The following CCDC60 variants were observed in gnomAD, a reference collection of about 807,000 sequenced individuals.
The protein encoded by CCDC60 is coiled-coil domain containing 60.
In CCDC60, 54 loss-of-function variants were observed where a neutral mutation model predicts 63.5. The observed-to-expected ratio is 0.85, with a 90% CI of 0.68 to 1.07. The LOEUF (loss-of-function observed/expected upper bound fraction) is 1.07, where lower values mean the gene tolerates loss of function less well. Among genes scored for constraint, CCDC60 ranks in the 50% least tolerant of loss-of-function variants. The pLI is 0.00. For synonymous variants in CCDC60, 206 were observed against 238.8 expected, an observed-to-expected ratio of 0.86 and a Z score of 1.27; for missense variants, 651 against 684.3, an observed-to-expected ratio of 0.95 and a Z score of 0.54.
chr12:119,395,407 G>C (rs903198570), intron 1 of CCDC60, among the ~76,000 whole-genome samples: 4 of 152,166 alleles, frequency 2.6e-5, no homozygotes, highest in African/African-American at 9.7e-5. Context: ...TATAACCATG[G>C]CAGAAGGCAA....
chr12:119,473,634 G>T (rs1213636828), intron 3 of CCDC60, among the ~76,000 whole-genome samples: 4 of 152,078 alleles, frequency 2.6e-5, no homozygotes, highest in Non-Finnish European at 5.9e-5. Flanking sequence ...AGTCCCCAGA[G>T]TCCATTATAT....
At chr12:119,386,428 C>T (rs956062566) in intron 1 of CCDC60, among the ~76,000 whole-genome samples, 2 of 151,936 alleles carry the variant, frequency 1.3e-5, no homozygotes, top group African/African-American at 4.8e-5. Context: ...CTTTTCTTTA[C>T]ACCCATTTGT....
chr12:119,395,432 C>T lies in CCDC60; in HGVS notation c.91-33251C>T, dbSNP rs374782042. The stretch of plus-strand genomic sequence containing the variant: ...GCAGAAGGCAAAGGGGAAGCAGACC[C>T]GTCTTACCAAATGGGGAAGAGAGAG... On this transcript the variant is annotated intron_variant, in intron 1 of 13. Transcript: ENST00000327554. 3.0e-3 allele frequency among the ~76,000 whole-genome samples: 458 copies of T among 152,248 alleles called. 7 individuals carry two copies. Among genetic ancestry groups the T allele is most frequent in the South Asian group, 0.013 (64 of 4,818 alleles).
At chr12:119,360,760 G>A (rs531244277) in intron 1 of CCDC60, among the ~76,000 whole-genome samples, 5 of 152,208 alleles carry the variant, frequency 3.3e-5, no homozygotes, top group African/African-American at 9.6e-5. Flanking sequence ...CTGCAATCTC[G>A]GCACTTTGGG....
intron 1 of CCDC60, among the ~76,000 whole-genome samples, chr12:119,356,017 A>C (rs1347280860): frequency 6.6e-6 from 1 of 152,228 alleles, no homozygotes; most frequent in Non-Finnish European, 1.5e-5. Flanking sequence ...CCTCAGTACC[A>C]GTTAAGCCCC....
chr12:119,485,525 C>T (rs1355646726), intron 4 of CCDC60, among the ~76,000 whole-genome samples: 1 of 152,176 alleles, frequency 6.6e-6, no homozygotes, highest in Non-Finnish European at 1.5e-5. Flanking sequence ...GTTGGTTTCT[C>T]CCAACCCTCT....
At chr12:119,539,953 T>C (rs1028573867) in intron 13 of CCDC60, among the ~76,000 whole-genome samples, 1 of 152,194 alleles carries the variant, frequency 6.6e-6, no homozygotes, top group East Asian at 1.9e-4. Context: ...TCTGACCCCT[T>C]GTGCTTCCTG....
chr12:119,361,366 A>C (rs1298184743), intron 1 of CCDC60, among the ~76,000 whole-genome samples: 1 of 152,192 alleles, frequency 6.6e-6, no homozygotes, highest in Non-Finnish European at 1.5e-5. Flanking sequence ...TAGATCCAAG[A>C]GTTTAGACAA....
intron 1 of CCDC60, among the ~76,000 whole-genome samples, chr12:119,352,349 T>C (rs1955664477): frequency 1.3e-5 from 2 of 152,232 alleles, no homozygotes; most frequent in South Asian, 4.1e-4. Context: ...GTCTATCCTG[T>C]TATCCTACCA....
At chr12:119,507,471 TATATAC>T (rs1458525998) in intron 7 of CCDC60, among the ~76,000 whole-genome samples, 4 of 145,840 alleles carry the variant, frequency 2.7e-5, no homozygotes, top group Non-Finnish European at 4.5e-5. Flanking sequence ...CACATACATA[TATATAC>T]ATATATACAC....
intron 2 of CCDC60, among the ~76,000 whole-genome samples, chr12:119,455,979 G>T (rs1950727330): frequency 8.3e-6 from 1 of 119,778 alleles, no homozygotes; most frequent in Admixed American, 8.9e-5. Context: ...GGGAGGGAGG[G>T]AGAGAGAAAG....
At chr12:119,528,130 G>A (rs2136521533) in intron 11 of CCDC60, among the ~76,000 whole-genome samples, 1 of 152,210 alleles carries the variant, frequency 6.6e-6, no homozygotes, top group East Asian at 1.9e-4. Flanking sequence ...GCTGTAGGCA[G>A]TGGGGTGACA....
In CCDC60 at chr12:119,540,609, C is replaced by T. The variant is rs1280818970; in HGVS notation, c.1552-5C>T. ...TCTGAGATTGCCACTATGTCTGCCT[C>T]ACAGTTTGTGCGAGAACACATCATC... On this transcript the variant is annotated splice_region_variant and splice_polypyrimidine_tract_variant and intron_variant, in intron 13 of 13. Transcript: ENST00000327554. 2 of 1,610,256 alleles carry T rather than the reference C, an allele frequency of 1.2e-6. No homozygotes were observed. The highest frequency in any genetic ancestry group is 2.2e-5 in the East Asian group (1 of 44,826).
chr12:119,400,361 A>G (rs201654409), intron 1 of CCDC60, among the ~76,000 whole-genome samples: 2 of 152,306 alleles, frequency 1.3e-5, no homozygotes, highest in African/African-American at 2.4e-5. Context: ...GTTGGTTTCC[A>G]TAGGTCAGAG....
chr12:119,365,508 T>TTG (rs374333162), intron 1 of CCDC60, among the ~76,000 whole-genome samples: 29 of 151,620 alleles, frequency 1.9e-4, no homozygotes, highest in African/African-American at 4.8e-4. Flanking sequence ...ATGTCAACTT[T>TTG]TGTGTGTGTG....
At chr12:119,505,735 A>G (rs1951980893) in intron 7 of CCDC60, among the ~76,000 whole-genome samples, 1 of 152,184 alleles carries the variant, frequency 6.6e-6, no homozygotes, top group South Asian at 2.1e-4. Flanking sequence ...ACACATCTGT[A>G]GTCCAAGCTA....
chr12:119,522,083 G>A (rs577094859), intron 9 of CCDC60, among the ~76,000 whole-genome samples: 53 of 152,264 alleles, frequency 3.5e-4, no homozygotes, highest in African/African-American at 1.2e-3. Context: ...GAAGCAAAGG[G>A]TTACCCACAC....
chr12:119,443,518 G>A (rs1041257258), intron 2 of CCDC60, among the ~76,000 whole-genome samples: 1 of 152,112 alleles, frequency 6.6e-6, no homozygotes, highest in African/African-American at 2.4e-5. Flanking sequence ...GTGGGGAAAG[G>A]GACGTGTCTG....
intron 1 of CCDC60, among the ~76,000 whole-genome samples, chr12:119,404,440 C>T (rs1415251450): frequency 6.6e-6 from 1 of 152,212 alleles, no homozygotes; most frequent in Non-Finnish European, 1.5e-5. Context: ...TACCTCCCCC[C>T]CACCACCCTG....
Sources: gnomAD v4.1 joint callset for allele counts (sites outside exome capture counted in the v4.1 genomes callset) on GRCh38, gnomAD v4.1.1 for gene constraint, MANE v1.5 for transcripts, NCBI Gene and HGNC (gene_info 2026-07-23, HGNC 2026-07-21) for gene names.